Variants in ZNF254 observed in about 807,000 individuals in gnomAD.
ZNF254 encodes zinc finger protein 254, also known as CTD-2017D11.1.
A neutral mutation model predicts 12.4 loss-of-function variants in ZNF254; 10 were observed. That is an observed-to-expected ratio of 0.80 (90% CI 0.50 to 1.36). ZNF254 has a LOEUF of 1.36. Ranked by LOEUF, ZNF254 falls within the 40% of genes most tolerant of loss-of-function variation. The pLI is 0.00. For missense variants in ZNF254, 996 were observed against 763.9 expected, an observed-to-expected ratio of 1.30 and a Z score of -3.58; for synonymous variants, 305 against 253.4, an observed-to-expected ratio of 1.20 and a Z score of -1.93.
At chr19:24,125,720 A>G (rs557608798) in intron 3 of ZNF254, among the ~76,000 whole-genome samples, 1 of 152,320 alleles carries the variant, frequency 6.6e-6, no homozygotes, top group East Asian at 1.9e-4. Context: ...TTTCTGTGGT[A>G]CTGCAGTCTC....
intron 1 of ZNF254, among the ~76,000 whole-genome samples, 158 bp downstream of exon 1, chr19:24,087,495 G>T (rs1324275665): frequency 6.6e-6 from 1 of 152,180 alleles, no homozygotes; most frequent in Non-Finnish European, 1.5e-5. Context: ...CGGCTGCGCT[G>T]ACAGCCAGAC....
intron 1 of ZNF254, among the ~76,000 whole-genome samples, chr19:24,033,789 C>A (rs1424582526): frequency 6.6e-6 from 1 of 152,196 alleles, no homozygotes; most frequent in Non-Finnish European, 1.5e-5. Context: ...CCGGGATCCC[C>A]GCGTTCAGCC....
chr19:24,064,890 G>C lies in ZNF254; in HGVS notation c.-94+18611G>C, dbSNP rs534902605. Among the ~76,000 whole-genome samples the C allele has an allele frequency of 4.6e-5, 7 of 152,250 alleles. No homozygotes were observed. The East Asian group carries it at 1.4e-3, about 29-fold the overall frequency. On this transcript the variant is annotated intron_variant, in intron 2 of 4. Coordinates refer to the ZNF254 transcript ENST00000613065. The stretch of plus-strand genomic sequence containing the variant: ...ATTATGATGAGACTTTCCTGTGTGG[G>C]CTCTCACACAGAACTATTCTAACAC...
rs1974894145 is a variant in ZNF254, at chr19:24,126,900, CA to C, written c.903del (p.Ala302HisfsTer36). 6.2e-7 allele frequency: 1 copy of C among 1,612,826 alleles called. No homozygotes were observed. The highest frequency in any genetic ancestry group is 8.5e-7 in the Non-Finnish European group (1 of 1,179,610). On this transcript the variant is annotated frameshift_variant, in exon 4 of 4. Transcript: ENST00000357002. LOFTEE classifies it low-confidence loss of function (END_TRUNC). ...EKPYKCEECGKAFIWSSTLTE... is the reference protein window; with the variant it reads ...EKPYKCEECGXAFIWSSTLTE... ...AACCTTACAAGTGTGAAGAATGTGG[CA>C]AAGCATTTATCTGGTCCTCAACCCT...
upstream of ZNF254, among the ~76,000 whole-genome samples, chr19:24,082,635 G>A (rs1228931771): frequency 5.2e-5 from 7 of 135,754 alleles, no homozygotes; most frequent in Admixed American, 5.4e-4. Context: ...GGGCAACAGA[G>A]TGAGATTCCA....
chr19:24,116,414 T>C (rs1031415407), intron 3 of ZNF254, among the ~76,000 whole-genome samples: 4 of 152,088 alleles, frequency 2.6e-5, no homozygotes, highest in Non-Finnish European at 2.9e-5. Context: ...CTTTTTTCTC[T>C]AAACTTCCCT....
chr19:24,100,084 T>C (rs1972917948), intron 1 of ZNF254, among the ~76,000 whole-genome samples: 1 of 152,180 alleles, frequency 6.6e-6, no homozygotes, highest in East Asian at 1.9e-4. Flanking sequence ...TCTATAGTCC[T>C]CTATAGTCAC....
At chr19:24,100,761 C>T (rs543712243) in intron 1 of ZNF254, among the ~76,000 whole-genome samples, 4 of 148,518 alleles carry the variant, frequency 2.7e-5, no homozygotes, top group Admixed American at 1.3e-4. Context: ...TTGAATATTT[C>T]TTCTCAAGTT....
chr19:24,098,907 A>G (rs556017153), intron 1 of ZNF254: 1 of 150,964 alleles, frequency 6.6e-6, no homozygotes, highest in South Asian at 2.1e-4. Flanking sequence ...GGCTTAAACA[A>G]TGCTCTCTTT....
At chr19:24,074,920 T>G (rs1052018976) in intron 2 of ZNF254, among the ~76,000 whole-genome samples, 4 of 152,176 alleles carry the variant, frequency 2.6e-5, no homozygotes, top group African/African-American at 4.8e-5. Context: ...GAGGGTATTG[T>G]GACATTTCTG....
intron 3 of ZNF254, among the ~76,000 whole-genome samples, chr19:24,119,895 C>T (rs1271360952): frequency 6.6e-6 from 1 of 151,654 alleles, no homozygotes; most frequent in African/African-American, 2.4e-5. Context: ...GTTTTATTGC[C>T]TTATTTTAAT....
chr19:24,091,908 C>G (rs1972408412), intron 1 of ZNF254: 1 of 876,618 alleles, frequency 1.1e-6, no homozygotes, highest in Admixed American at 6.5e-5. Context: ...GAGATGGAGT[C>G]TCGCTCTGTT....
chr19:24,124,023 T>C (rs1265650097), intron 3 of ZNF254, among the ~76,000 whole-genome samples: 2 of 152,090 alleles, frequency 1.3e-5, no homozygotes, highest in Non-Finnish European at 2.9e-5. Context: ...GTTATTTTAT[T>C]AAGTATTTTA....
intron 2 of ZNF254, chr19:24,078,839 G>C (rs530816834): frequency 3.3e-5 from 5 of 152,222 alleles, no homozygotes; most frequent in Admixed American, 2.6e-4. Context: ...CCCCCCATCA[G>C]CTTTTTCAAG....
At chr19:24,093,315 T>G (rs562787878) in intron 1 of ZNF254, among the ~76,000 whole-genome samples, 1 of 152,174 alleles carries the variant, frequency 6.6e-6, no homozygotes, top group Non-Finnish European at 1.5e-5. Flanking sequence ...ATTTGTCAAT[T>G]TTTGGTTTTT....
chr19:24,069,561 C>T lies in ZNF254; in HGVS notation c.-94+23282C>T, dbSNP rs1261712442. On this transcript the variant is annotated intron_variant, in intron 2 of 4. Transcript: ENST00000613065. ...CAGAGGTTGCAGTGAGCCAAGATCACGCCACTGCCGTTCAGCCTTGGTGAC... is the reference window on the plus strand; with the variant it reads ...CAGAGGTTGCAGTGAGCCAAGATCATGCCACTGCCGTTCAGCCTTGGTGAC... Among the ~76,000 whole-genome samples, 17 of 136,192 alleles carry T rather than the reference C, an allele frequency of 1.2e-4. No homozygotes were observed. The East Asian group carries it at 1.4e-3, about 11-fold the overall frequency. 89.3% of individuals were successfully genotyped at this position (136,192 alleles called of 152,430 possible). A position where few individuals can be genotyped will look rare whatever the true frequency, so the allele number is the denominator to read the frequency against.
At chr19:24,054,809 T>C (rs1970778322) in intron 2 of ZNF254, among the ~76,000 whole-genome samples, 1 of 152,196 alleles carries the variant, frequency 6.6e-6, no homozygotes, top group South Asian at 2.1e-4. Flanking sequence ...AGATGTTGAC[T>C]AATACCTGGG....
intron 1 of ZNF254, 98 bp downstream of exon 1, chr19:24,087,435 TC>T: frequency 6.7e-7 from 1 of 1,501,130 alleles, no homozygotes; most frequent in Non-Finnish European, 9.2e-7. Flanking sequence ...CCCAGTCAGC[TC>T]CACAATCTGC....
intron 2 of ZNF254, chr19:24,079,603 G>A (rs1971778992): frequency 6.6e-6 from 1 of 152,216 alleles, no homozygotes; most frequent in African/African-American, 2.4e-5. Flanking sequence ...ATTCATAGGT[G>A]AGTTTGAGAA....
Sources: gnomAD v4.1 joint callset for allele counts (sites outside exome capture counted in the v4.1 genomes callset) on GRCh38, gnomAD v4.1.1 for gene constraint, MANE v1.5 for transcripts, NCBI Gene and HGNC (gene_info 2026-07-23, HGNC 2026-07-21) for gene names.